The following DAB1 variants were observed in gnomAD, a reference collection of about 807,000 sequenced individuals.
DAB1 encodes the protein DAB adaptor protein 1, also known as disabled homolog 1.
DAB1 carries 15 observed loss-of-function variants against 64.6 expected under a neutral mutation model. The observed-to-expected ratio is 0.23, with a 90% CI of 0.16 to 0.36. The LOEUF (loss-of-function observed/expected upper bound fraction) is 0.36, where lower values mean the gene tolerates loss of function less well. DAB1 is among the 10% of genes least tolerant of loss of function. The probability of loss-of-function intolerance (pLI) is 1.00; values close to 1 mark genes in which losing one functional copy is unlikely to be tolerated. For missense variants in DAB1, 596 were observed against 706.7 expected (o/e 0.84, Z 1.78); for synonymous variants, 235 against 251.9 (o/e 0.93, Z 0.64).
At chr1:57,287,068 ATGTTTTGTTT>A (rs76837055) in intron 2 of DAB1, among the ~76,000 whole-genome samples, 1 of 152,134 alleles carries the variant, frequency 6.6e-6, no homozygotes, top group Non-Finnish European at 1.5e-5. Flanking sequence ...CTAACAAGGT[ATGTTTTGTTT>A]TGTTTTGTTT....
At chr1:57,142,363 A>C (rs985682815) in intron 3 of DAB1, among the ~76,000 whole-genome samples, 3 of 152,206 alleles carry the variant, frequency 2.0e-5, no homozygotes, top group African/African-American at 7.2e-5. Flanking sequence ...GCAGATGGCC[A>C]AATGGAGAAT....
At chr1:57,753,685 T>C (rs1648657819) in intron 6 of DAB1, among the ~76,000 whole-genome samples, 1 of 152,212 alleles carries the variant, frequency 6.6e-6, no homozygotes, top group Non-Finnish European at 1.5e-5. Flanking sequence ...GCAAAACATT[T>C]TATAGCTCAT....
intron 6 of DAB1, among the ~76,000 whole-genome samples, chr1:57,703,856 T>A (rs1646935402): frequency 6.6e-6 from 1 of 152,110 alleles, no homozygotes; most frequent in Non-Finnish European, 1.5e-5. Context: ...TATGCAGCCA[T>A]AAGAAAAGAA....
chr1:57,147,066 C>T lies in DAB1; in HGVS notation c.68-1637G>A, dbSNP rs1257674123. 6.7e-5 allele frequency among the ~76,000 whole-genome samples: 10 copies of T among 149,788 alleles called. No homozygotes were observed. In the Admixed American group the frequency reaches 6.7e-4, roughly 10 times the overall value. ...TTTTTTTTGAAACAGTATCTCACTTCATCACCCAGGCTGGAGCACAGTGGC... is the reference window on the plus strand; with the variant it reads ...TTTTTTTTGAAACAGTATCTCACTTTATCACCCAGGCTGGAGCACAGTGGC... On this transcript the variant is annotated intron_variant, in intron 2 of 14. Coordinates refer to ENST00000371236, the MANE Select transcript of DAB1 (RefSeq NM_001365792.1).
chr1:58,148,933 G>T (rs1570417719), intron 5 of DAB1, among the ~76,000 whole-genome samples: 1 of 152,164 alleles, frequency 6.6e-6, no homozygotes, highest in African/African-American at 2.4e-5. Flanking sequence ...TCTCAGAGCT[G>T]TGGTGTGAGG....
At chr1:57,273,791 CCAGCCCTTGA>C (rs1355522721) in intron 2 of DAB1, among the ~76,000 whole-genome samples, 2 of 151,970 alleles carry the variant, frequency 1.3e-5, no homozygotes, top group Non-Finnish European at 2.9e-5. Context: ...TGGAATCTCA[CCAGCCCTTGA>C]CTGCTCCATC....
At chr1:57,084,760 T>G (rs1435111044) in intron 4 of DAB1, among the ~76,000 whole-genome samples, 1 of 152,232 alleles carries the variant, frequency 6.6e-6, no homozygotes, top group Non-Finnish European at 1.5e-5. Flanking sequence ...AACTTGCTAC[T>G]TAAATCAGAA....
At chr1:57,203,238 C>A (rs1316891525) in intron 2 of DAB1, among the ~76,000 whole-genome samples, 1 of 152,156 alleles carries the variant, frequency 6.6e-6, no homozygotes, top group Non-Finnish European at 1.5e-5. Context: ...ATTCTTTCTC[C>A]ACTAGATAAA....
chr1:58,049,756 C>A (rs1374312026), intron 5 of DAB1, among the ~76,000 whole-genome samples: 2 of 152,110 alleles, frequency 1.3e-5, no homozygotes, highest in South Asian at 2.1e-4. Flanking sequence ...TTTAGTATTA[C>A]ATGATCACTA....
intron 7 of DAB1, among the ~76,000 whole-genome samples, chr1:57,474,950 T>A (rs549775345): frequency 6.6e-6 from 1 of 152,044 alleles, no homozygotes; most frequent in Non-Finnish European, 1.5e-5. Flanking sequence ...GTAAAGAAGA[T>A]GAAAGACTTG....
At chr1:58,092,573 C>A (rs1650734482) in intron 5 of DAB1, among the ~76,000 whole-genome samples, 1 of 152,156 alleles carries the variant, frequency 6.6e-6, no homozygotes, top group African/African-American at 2.4e-5. Context: ...AGCAGACTTC[C>A]AGGTCCTTTC....
At chr1:57,779,148 G>T (rs1649951495) in intron 6 of DAB1, among the ~76,000 whole-genome samples, 1 of 152,126 alleles carries the variant, frequency 6.6e-6, no homozygotes, top group Non-Finnish European at 1.5e-5. Context: ...GTAATGAGAA[G>T]ACTGGATTTG....
intron 7 of DAB1, among the ~76,000 whole-genome samples, chr1:57,549,223 T>G (rs540889619): frequency 6.6e-6 from 1 of 152,316 alleles, no homozygotes; most frequent in South Asian, 2.1e-4. Flanking sequence ...ATACAGCTGT[T>G]AAAGAGCCTG....
chr1:57,780,987 CA>C (rs1650041040), intron 6 of DAB1, among the ~76,000 whole-genome samples: 1 of 151,452 alleles, frequency 6.6e-6, no homozygotes, highest in Non-Finnish European at 1.5e-5. Flanking sequence ...CTTGGCCTCC[CA>C]AAGTGCTGGG....
At chr1:58,131,260 G>A (rs1476809658) in intron 5 of DAB1, among the ~76,000 whole-genome samples, 29 of 142,260 alleles carry the variant, frequency 2.0e-4, no homozygotes, top group African/African-American at 7.1e-4. Context: ...CGGCTCCTGA[G>A]GCTTCTGCAT....
At chr1:57,395,591 G>A (rs1316879485) in intron 1 of DAB1, among the ~76,000 whole-genome samples, 1 of 152,178 alleles carries the variant, frequency 6.6e-6, no homozygotes, top group African/African-American at 2.4e-5. Context: ...CAGATGAAAT[G>A]ATCTGTATCT....
chr1:57,888,170 A>G (rs909449408), upstream of DAB1, among the ~76,000 whole-genome samples: 1 of 152,204 alleles, frequency 6.6e-6, no homozygotes, highest in Non-Finnish European at 1.5e-5. Flanking sequence ...GGATGGGCAC[A>G]CTATCTTGGT....
At chr1:57,849,905 A>C (rs1470896699) in intron 1 of DAB1, among the ~76,000 whole-genome samples, 1 of 152,226 alleles carries the variant, frequency 6.6e-6, no homozygotes, top group African/African-American at 2.4e-5. Context: ...GTTTATTTTT[A>C]TCATTAGTCC....
At position 58,371,957 on chromosome 1, in the gene DAB1, A is replaced by G. The variant is rs1644267592; in HGVS notation, n.258-28554T>C. On this transcript the variant is annotated intron_variant and non_coding_transcript_variant, in intron 3 of 20. Transcript: ENST00000485760. ...AGGCAGAAGTCTGCTGCAGGGGCAG[A>G]GCCCTCATAGAGAACTTCTACTAGG... is the stretch of plus-strand genomic sequence containing the variant. 2.6e-5 allele frequency among the ~76,000 whole-genome samples: 4 copies of G among 152,246 alleles called. No homozygotes were observed. The South Asian group carries it at 8.3e-4, about 31-fold the overall frequency.
Sources: allele counts gnomAD v4.1 joint callset (sites outside exome capture counted in the v4.1 genomes callset), GRCh38; gene constraint gnomAD v4.1.1; transcripts MANE v1.5; gene names NCBI Gene and HGNC (gene_info 2026-07-23, HGNC 2026-07-21).